The following PIK3R4 variants were observed in gnomAD, a reference collection of about 807,000 sequenced individuals.
PIK3R4 encodes the protein phosphoinositide 3-kinase regulatory subunit 4.
A neutral mutation model predicts 136.5 loss-of-function variants in PIK3R4; 46 were observed. The observed-to-expected ratio is 0.34, with a 90% CI of 0.27 to 0.43. The LOEUF is 0.43. Ranked by LOEUF, PIK3R4 falls within the 20% of genes least tolerant of loss-of-function variation. The pLI, the probability that PIK3R4 is intolerant of heterozygous loss-of-function variation, is 1.00. For missense variants in PIK3R4, 1,331 were observed against 1,649.5 expected, an observed-to-expected ratio of 0.81 and a Z score of 3.35; for synonymous variants, 557 against 566.7, an observed-to-expected ratio of 0.98 and a Z score of 0.24.
intron 14 of PIK3R4, among the ~76,000 whole-genome samples, 166 bp from the exon 15 acceptor site, chr3:130,686,588 A>G (rs1345379063): frequency 6.6e-6 from 1 of 152,200 alleles, no homozygotes; most frequent in Non-Finnish European, 1.5e-5. Flanking sequence ...TGTAGAGAAG[A>G]ATTGCAAAAA....
intron 13 of PIK3R4, among the ~76,000 whole-genome samples, chr3:130,691,716 A>G (rs573124235): frequency 8.1e-5 from 12 of 147,666 alleles, no homozygotes; most frequent in African/African-American, 2.9e-4. Flanking sequence ...AAATACAGAA[A>G]TGTAAAAACA....
At chr3:130,725,577 C>T (rs1215183643) in intron 6 of PIK3R4, among the ~76,000 whole-genome samples, 1 of 137,608 alleles carries the variant, frequency 7.3e-6, no homozygotes, top group Non-Finnish European at 1.6e-5. Flanking sequence ...ACTTTACATA[C>T]AAAAGTAGAA....
rs747349405 is a variant in PIK3R4 at position 130,723,562 on chromosome 3, T to C, written c.1833A>G (p.Gln611=). 4.3e-6 allele frequency: 7 copies of C among 1,612,898 alleles called. No homozygotes were observed. The highest frequency in any genetic ancestry group is 1.7e-5 in the Admixed American group (1 of 59,750). Residue 611 remains glutamine (Q), a synonymous_variant, in exon 7 of 20, where the codon CAA becomes CAG. Coordinates refer to ENST00000356763, the MANE Select transcript of PIK3R4 (RefSeq NM_014602.3). ...IVGVAAYVGW[Q]SSSILKPLLQ... is the part of the protein sequence containing the mutation. ...GCAGAGGCTTGAGAATTGAGGAGCT[T>C]TGCCAGCCAACATAGGCAGCAACAC...
intron 16 of PIK3R4, among the ~76,000 whole-genome samples, 191 bp downstream of exon 16, chr3:130,684,059 G>A (rs2066474293): frequency 6.6e-6 from 1 of 152,118 alleles, no homozygotes; most frequent in Non-Finnish European, 1.5e-5. Context: ...GAGTAATGAT[G>A]GTGACTGATG....
chr3:130,691,371 G>A (rs368419919), intron 13 of PIK3R4, among the ~76,000 whole-genome samples: 9 of 152,100 alleles, frequency 5.9e-5, no homozygotes, highest in Middle Eastern at 3.4e-3. Context: ...TTCCCTAACC[G>A]GACCATAGGG....
chr3:130,689,535 A>C (rs1356534722), intron 14 of PIK3R4, among the ~76,000 whole-genome samples: 1 of 152,216 alleles, frequency 6.6e-6, no homozygotes, highest in East Asian at 1.9e-4. Flanking sequence ...CAAAAAGCAA[A>C]ACAAAACAAA....
intron 2 of PIK3R4, among the ~76,000 whole-genome samples, chr3:130,737,753 T>C (rs2066794023): frequency 6.6e-6 from 1 of 152,188 alleles, no homozygotes; most frequent in African/African-American, 2.4e-5. Context: ...ATCAGAACAC[T>C]TCCATTAGCC....
chr3:130,736,281 T>A (rs2066785167), intron 2 of PIK3R4, among the ~76,000 whole-genome samples: 1 of 152,132 alleles, frequency 6.6e-6, no homozygotes, highest in African/African-American at 2.4e-5. Context: ...TTAAAATGAA[T>A]GTATAGGCCA....
At position 130,744,889 on chromosome 3, in the gene PIK3R4, G is replaced by A; in HGVS notation, c.330C>T (p.Leu110=). 1 of 1,614,186 alleles carries A rather than the reference G, an allele frequency of 6.2e-7. No homozygotes were observed. Among genetic ancestry groups the A allele is most frequent in the Non-Finnish European group, 8.5e-7 (1 of 1,180,022 alleles). ...ATGGACGGGTACTGATGCGATCATA[G>A]AGATTGTCTCGCACATACTGCCTAA... is the stretch of plus-strand genomic sequence containing the variant. ...MLFRQYVRDN[L]YDRISTRPFL... Residue 110 remains leucine, a synonymous_variant, in exon 2 of 20, where the codon CTC becomes CTT. Coordinates refer to ENST00000356763, the MANE Select transcript of PIK3R4 (RefSeq NM_014602.3).
intron 13 of PIK3R4, among the ~76,000 whole-genome samples, chr3:130,691,439 G>A (rs1191764784): frequency 1.3e-5 from 2 of 152,102 alleles, no homozygotes; most frequent in Non-Finnish European, 2.9e-5. Flanking sequence ...ATAATATTCA[G>A]TCTCTCCCAC....
intron 16 of PIK3R4, among the ~76,000 whole-genome samples, chr3:130,682,426 T>C (rs550382254): frequency 2.0e-5 from 3 of 152,280 alleles, no homozygotes; most frequent in African/African-American, 7.2e-5. Context: ...GCTACCTTGA[T>C]TTTGGTCCAC....
chr3:130,686,309 A>G lies in PIK3R4; in HGVS notation c.3377T>C (p.Leu1126Pro). The change falls in exon 15 of 20, where the codon CTT becomes CCT. Residue 1126 changes from leucine (L) to proline (P), a missense_variant. Around this residue, in one of 2 missense-constraint regions of PIK3R4, gnomAD observed 1,180 missense variants for 1,407.0 expected, o/e 0.84. Coordinates refer to ENST00000356763, the MANE Select transcript of PIK3R4 (RefSeq NM_014602.3). ...TVNGSLVGWD[L>P]RSSSNAWTLK... ...AGTCCACGCATTGCTTGAAGACCTA[A>G]GGTCCCAGCCAACCAGAGAGCCATT... 1.2e-6 allele frequency: 2 copies of G among 1,613,544 alleles called. No individual in the cohort carries two copies. The highest frequency in any genetic ancestry group is 1.7e-6 in the Non-Finnish European group (2 of 1,179,524).
intron 7 of PIK3R4, among the ~76,000 whole-genome samples, chr3:130,723,047 A>G (rs1333788747): frequency 1.7e-5 from 2 of 117,558 alleles, no homozygotes; most frequent in Non-Finnish European, 3.3e-5. Context: ...TGGGTGACAG[A>G]GTGAGAGACT....
At position 130,727,306 on chromosome 3, in the gene PIK3R4, C is replaced by T. The variant is rs371651103; in HGVS notation, c.1807+1157G>A. 2.1e-3 allele frequency among the ~76,000 whole-genome samples: 320 copies of T among 151,866 alleles called. 3 individuals are homozygous for T. Among genetic ancestry groups the T allele is most frequent in the African/African-American group, 7.1e-3 (294 of 41,422 alleles). On this transcript the variant is annotated intron_variant, in intron 6 of 19. Transcript: ENST00000356763. ...CGCAATCTCAGCTCACTGCAAGCTC[C>T]GCCTCCTGGGTTCACGCCATTCTCC...
At position 130,735,929 on chromosome 3, in the gene PIK3R4, A is replaced by G; in HGVS notation, c.807T>C (p.Asn269=). Residue 269 remains asparagine (N), a synonymous_variant, in exon 3 of 20, where the codon AAT becomes AAC. Coordinates refer to ENST00000356763, the MANE Select transcript of PIK3R4 (RefSeq NM_014602.3). ...GCACTTGTTCAGGGAAAAAATGTCC[A>G]TTTCTATAAGCCAAAAGTTGAGAGA... ...FDLSQLLAYR[N]GHFFPEQVLN... The G allele has an allele frequency of 1.2e-6, 2 of 1,613,032 alleles. No homozygotes were observed. The highest frequency in any genetic ancestry group is 2.2e-5 in the East Asian group (1 of 44,784).
chr3:130,679,923 A>C (rs888013106), intron 19 of PIK3R4, among the ~76,000 whole-genome samples: 1 of 152,094 alleles, frequency 6.6e-6, no homozygotes, highest in African/African-American at 2.4e-5. Flanking sequence ...TAAAAATACA[A>C]AAATTAGCAG....
At chr3:130,709,962 T>A (rs2066625605) in intron 9 of PIK3R4, among the ~76,000 whole-genome samples, 1 of 152,304 alleles carries the variant, frequency 6.6e-6, no homozygotes, top group Admixed American at 6.5e-5. Flanking sequence ...TGCACAACTC[T>A]GCAAATGTAT....
At chr3:130,680,772 A>C (rs747392033) in intron 18 of PIK3R4, 51 bp from the exon 19 acceptor site, 4 of 1,147,272 alleles carry the variant, frequency 3.5e-6, no homozygotes, top group Non-Finnish European at 5.1e-6. Context: ...AATGGGAGGA[A>C]CTAATAATCA....
chr3:130,723,575 T>C lies in PIK3R4; in HGVS notation c.1820A>G (p.Tyr607Cys), dbSNP rs1430863654. 4 of 1,612,720 alleles carry C rather than the reference T, an allele frequency of 2.5e-6. No individual in the cohort carries two copies. The highest frequency in any genetic ancestry group is 2.2e-5 in the East Asian group (1 of 44,868). Reference sequence around the variant, plus strand: ...AATTGAGGAGCTTTGCCAGCCAACATAGGCAGCAACACCTGGAAATGAAAA... The same window carrying C: ...AATTGAGGAGCTTTGCCAGCCAACACAGGCAGCAACACCTGGAAATGAAAA... Reference protein sequence around the residue: ...FFDSIVGVAAYVGWQSSSILK... With the variant: ...FFDSIVGVAACVGWQSSSILK... The change falls in exon 7 of 20, where the codon TAT (tyrosine) becomes TGT (cysteine). Residue 607 changes from tyrosine to cysteine, a missense_variant. Coordinates refer to ENST00000356763, the MANE Select transcript of PIK3R4 (RefSeq NM_014602.3).
Sources: gnomAD v4.1 joint callset for allele counts (sites outside exome capture counted in the v4.1 genomes callset) on GRCh38, gnomAD v4.1.1 for gene constraint, gnomAD v4.1.1 regional missense constraint, MANE v1.5 for transcripts, NCBI Gene and HGNC (gene_info 2026-07-23, HGNC 2026-07-21) for gene names.